USP28: variants seen among roughly 807,000 people sequenced by gnomAD.
USP28 encodes the protein ubiquitin carboxyl-terminal hydrolase 28.
In USP28, 113 loss-of-function variants were observed where a neutral mutation model predicts 145.0. The ratio of observed to expected loss-of-function variants is 0.78; its 90% CI spans 0.67 to 0.91. The LOEUF (loss-of-function observed/expected upper bound fraction) is 0.91. USP28 is among the 40% of genes least tolerant of loss of function. USP28 has a pLI of 0.00. For missense variants in USP28, 1,201 were observed against 1,289.6 expected, an observed-to-expected ratio of 0.93 and a Z score of 1.05; for synonymous variants, 447 against 450.9, an observed-to-expected ratio of 0.99 and a Z score of 0.11.
intron 1 of USP28, among the ~76,000 whole-genome samples, chr11:113,867,942 C>T (rs1294121306): frequency 1.3e-5 from 2 of 152,110 alleles, no homozygotes; most frequent in African/African-American, 4.8e-5. Context: ...GGTTAAAGTG[C>T]CTACCAGCCA....
chr11:113,873,426 T>A (rs144543191), intron 1 of USP28, among the ~76,000 whole-genome samples: 13 of 152,282 alleles, frequency 8.5e-5, no homozygotes, highest in African/African-American at 2.6e-4. Context: ...GTTCCAAGCC[T>A]TCCCAAAATA....
At chr11:113,866,713 C>T (rs1326141518) in intron 1 of USP28, among the ~76,000 whole-genome samples, 3 of 152,100 alleles carry the variant, frequency 2.0e-5, no homozygotes, top group Admixed American at 1.3e-4. Context: ...ATAAAACTTC[C>T]CCAGCAACCT....
chr11:113,862,056 A>G (rs1485621124), intron 1 of USP28, among the ~76,000 whole-genome samples: 1 of 152,216 alleles, frequency 6.6e-6, no homozygotes, highest in African/African-American at 2.4e-5. Flanking sequence ...TTTAATAAAT[A>G]ACAGAGATTG....
At chr11:113,841,828 A>G (rs925635185) in intron 3 of USP28, 60 bp from the exon 4 acceptor site, 22 of 1,209,196 alleles carry the variant, frequency 1.8e-5, no homozygotes, top group Non-Finnish European at 2.3e-5. Context: ...CTTCTGTAAT[A>G]TAAGAAAAAG....
chr11:113,834,624 C>G (rs541970449), intron 5 of USP28, among the ~76,000 whole-genome samples: 2 of 152,070 alleles, frequency 1.3e-5, no homozygotes, highest in East Asian at 3.9e-4. Flanking sequence ...CCCTATGTTG[C>G]CCAGGATGGT....
chr11:113,841,829 T>C (rs749975394), intron 3 of USP28, 61 bp from the exon 4 acceptor site: 16 of 1,193,730 alleles, frequency 1.3e-5, no homozygotes, highest in Non-Finnish European at 1.8e-5. Context: ...TTCTGTAATA[T>C]AAGAAAAAGG....
chr11:113,800,301 G>A (rs76211911), intron 24 of USP28, among the ~76,000 whole-genome samples: 15,670 of 151,250 alleles, frequency 0.1, 860 homozygotes, highest in Middle Eastern at 0.18. Flanking sequence ...CACTGCGCCC[G>A]GCCTTTTTTG....
At chr11:113,798,377 T>G (rs1938327957) in exon 25 of USP28, 1 of 151,364 alleles carries the variant, frequency 6.6e-6, no homozygotes, top group African/African-American at 2.4e-5. Context: ...ATTGCACCAC[T>G]GAACGCCAGC....
At chr11:113,803,311 G>A (rs1591471533) in intron 22 of USP28, 30 bp from the exon 24 acceptor site, 1 of 1,583,770 alleles carries the variant, frequency 6.3e-7, no homozygotes, top group Non-Finnish European at 8.6e-7. Context: ...AACAACAGCT[G>A]AGTGCTCTTT....
intron 3 of USP28, among the ~76,000 whole-genome samples, chr11:113,845,213 C>T (rs1375134994): frequency 6.6e-6 from 1 of 151,078 alleles, no homozygotes; most frequent in Admixed American, 6.6e-5. Context: ...CCAAGGCAGG[C>T]GGATCACTTG....
intron 1 of USP28, among the ~76,000 whole-genome samples, chr11:113,858,835 C>A (rs563539433): frequency 1.3e-5 from 2 of 152,094 alleles, no homozygotes; most frequent in South Asian, 4.1e-4. Context: ...GTCCCAAACT[C>A]TTACCTCAAG....
At chr11:113,808,594 A>G (rs1370495577) in intron 17 of USP28, among the ~76,000 whole-genome samples, 157 bp from the exon 18 acceptor site, 1 of 152,236 alleles carries the variant, frequency 6.6e-6, no homozygotes, top group Non-Finnish European at 1.5e-5. Flanking sequence ...ATTAATAACT[A>G]TAAGAAATGG....
exon 17 of USP28, chr11:113,809,111 T>C: frequency 1.2e-6 from 2 of 1,614,166 alleles, no homozygotes; most frequent in Non-Finnish European, 1.7e-6. Context: ...GAGGACTCCA[T>C]TTGAGGGATT....
rs61760222 is a variant in USP28 at position 113,804,932 on chromosome 11, T to C, written c.2515A>G (p.Lys839Glu). The C allele has an allele frequency of 3.6e-3, 5,816 of 1,614,250 alleles. 11 individuals carry two copies. The highest frequency in any genetic ancestry group is 4.6e-3 in the Non-Finnish European group (5,476 of 1,180,040). The change falls in exon 20 of 25, where the codon AAA (lysine) becomes GAA (glutamate). Residue 839 changes from lysine to glutamate, a missense_variant. Coordinates refer to ENST00000003302, the Ensembl canonical transcript of USP28. ...AGAAGGGTTCGTTCTACTACCCTTT[T>C]GGGTGCTTCATTTTGGAAAAAGTAG...
At chr11:113,841,875 GCTCAA>G (rs1945241515) in intron 3 of USP28, 107 bp from the exon 4 acceptor site, 1 of 628,216 alleles carries the variant, frequency 1.6e-6, no homozygotes, top group Non-Finnish European at 2.6e-6. Context: ...TACAACAATG[GCTCAA>G]CTGTGTAACA....
intron 8 of USP28, 67 bp downstream of exon 8, chr11:113,831,853 C>A (rs1944019623): frequency 1.3e-6 from 2 of 1,492,370 alleles, no homozygotes; most frequent in East Asian, 4.6e-5. Context: ...GAGTAACTTT[C>A]CAGCATATAA....
At chr11:113,808,959 T>C (rs1456531420) in intron 17 of USP28, 104 bp downstream of exon 17, 3 of 1,100,540 alleles carry the variant, frequency 2.7e-6, no homozygotes, top group Non-Finnish European at 4.0e-6. Flanking sequence ...AAATATACTG[T>C]GAAGACTGTG....
At chr11:113,836,275 A>G (rs1944560366) in intron 5 of USP28, among the ~76,000 whole-genome samples, 1 of 152,046 alleles carries the variant, frequency 6.6e-6, no homozygotes, top group Admixed American at 6.6e-5. Flanking sequence ...CGCCATTCAC[A>G]TCTAGTAAGT....
intron 2 of USP28, among the ~76,000 whole-genome samples, chr11:113,853,878 CAAA>C (rs57739058): frequency 1.6e-5 from 2 of 123,230 alleles, no homozygotes; most frequent in Non-Finnish European, 1.7e-5. Context: ...GACTCCATCT[CAAA>C]AAAAAAAAAA....
Sources: gnomAD v4.1 joint callset for allele counts (sites outside exome capture counted in the v4.1 genomes callset) on GRCh38, gnomAD v4.1.1 for gene constraint, MANE v1.5 for transcripts, NCBI Gene and HGNC (gene_info 2026-07-23, HGNC 2026-07-21) for gene names.